The following TRPM3 variants were observed in gnomAD, a reference collection of about 807,000 sequenced individuals.
TRPM3 encodes the protein long transient receptor potential channel 3.
Under a neutral mutation model 181.2 loss-of-function variants are expected in TRPM3, and 77 were observed. The ratio of observed to expected loss-of-function variants is 0.42; its 90% CI spans 0.35 to 0.51. The LOEUF is 0.51. Ranked by LOEUF, TRPM3 falls within the 20% of genes least tolerant of loss-of-function variation. The probability of loss-of-function intolerance (pLI) is 0.01; values close to 1 mark genes in which losing one functional copy is unlikely to be tolerated. For synonymous variants in TRPM3, 745 were observed against 796.4 expected (o/e 0.94, Z 1.09); for missense variants, 1,759 against 2,196.7 (o/e 0.80, Z 3.98).
intron 1 of TRPM3, among the ~76,000 whole-genome samples, chr9:71,227,421 T>C (rs1021445141): frequency 2.0e-5 from 3 of 151,928 alleles, no homozygotes; most frequent in African/African-American, 4.8e-5. Context: ...ACAAACAACC[T>C]AATGTTGCAT....
Position 70,549,952 on chromosome 9 carries a change from A to T in TRPM3, c.3575-278T>A, listed in dbSNP as rs2046064585. ...TAGGCAAGTTGTGAGGCCAGGGAAA[A>T]AGCTAAATCAAGGAAAGGGAAGCTA... On this transcript the variant is annotated intron_variant, in intron 24 of 25. Coordinates refer to ENST00000677713, the MANE Select transcript of TRPM3 (RefSeq NM_001366145.2). Among the ~76,000 whole-genome samples, 8 of 152,306 alleles carry T rather than the reference A, an allele frequency of 5.3e-5. No homozygotes were observed. In the South Asian group the frequency reaches 1.7e-3, roughly 32 times the overall value.
At chr9:71,035,869 A>T (rs1039744225) in intron 1 of TRPM3, among the ~76,000 whole-genome samples, 3 of 152,058 alleles carry the variant, frequency 2.0e-5, no homozygotes, top group African/African-American at 7.2e-5. Context: ...GCCATAAAAT[A>T]TATGGTACAA....
intron 1 of TRPM3, among the ~76,000 whole-genome samples, chr9:70,918,838 A>T (rs1453168667): frequency 6.6e-6 from 1 of 152,102 alleles, no homozygotes; most frequent in Non-Finnish European, 1.5e-5. Flanking sequence ...ATTTTTTTTA[A>T]AAAAATAAAC....
At chr9:71,096,588 A>ACTCTCTCTCTCTCTCTCTCTCTCTCTCT (rs1256142555) in intron 1 of TRPM3, among the ~76,000 whole-genome samples, 4 of 96,874 alleles carry the variant, frequency 4.1e-5, no homozygotes, top group African/African-American at 1.4e-4. Context: ...ACACACACAC[A>ACTCTCTCTCTCTCTCTCTCTCTCTCTCT]CACTCTCTCT....
intron 1 of TRPM3, among the ~76,000 whole-genome samples, chr9:71,289,072 TG>T (rs1468589180): frequency 2.0e-5 from 3 of 151,820 alleles, no homozygotes; most frequent in African/African-American, 7.3e-5. Flanking sequence ...GCACCTCTAA[TG>T]CCACACACAA....
intron 18 of TRPM3, among the ~76,000 whole-genome samples, chr9:70,614,369 C>T (rs2062453410): frequency 6.6e-6 from 1 of 150,602 alleles, no homozygotes; most frequent in African/African-American, 2.4e-5. Flanking sequence ...GCATTCCCAG[C>T]TACTTGGGAG....
chr9:71,017,291 T>C (rs758907452), intron 1 of TRPM3, among the ~76,000 whole-genome samples: 3 of 151,908 alleles, frequency 2.0e-5, no homozygotes, highest in Non-Finnish European at 4.4e-5. Context: ...TTAAAAGATA[T>C]AGAATGAACA....
intron 1 of TRPM3, among the ~76,000 whole-genome samples, chr9:70,982,603 C>A (rs976637776): frequency 6.6e-6 from 1 of 152,186 alleles, no homozygotes; most frequent in Admixed American, 6.5e-5. Context: ...CCTTAGTCAC[C>A]TTTAAGTATG....
chr9:70,550,660 C>A (rs1384406889), intron 24 of TRPM3, among the ~76,000 whole-genome samples: 1 of 152,172 alleles, frequency 6.6e-6, no homozygotes, highest in Non-Finnish European at 1.5e-5. Flanking sequence ...TTCTTCTAAT[C>A]CCATGCCCTC....
At chr9:70,978,104 T>TA (rs1277553654) in intron 1 of TRPM3, among the ~76,000 whole-genome samples, 1 of 152,172 alleles carries the variant, frequency 6.6e-6, no homozygotes, top group African/African-American at 2.4e-5. Context: ...AGGGGCCCTC[T>TA]AACAGTGGCC....
intron 1 of TRPM3, among the ~76,000 whole-genome samples, chr9:71,295,838 CAAAAAAA>C (rs11383819): frequency 2.5e-3 from 217 of 86,648 alleles, no homozygotes; most frequent in Non-Finnish European, 4.0e-3. Flanking sequence ...GATCCCGTCT[CAAAAAAA>C]AAAAAAAAAA....
At chr9:70,541,548 G>C (rs1377033531) in intron 25 of TRPM3, among the ~76,000 whole-genome samples, 1 of 135,482 alleles carries the variant, frequency 7.4e-6, no homozygotes, top group African/African-American at 2.8e-5. Context: ...TTTCACTCTT[G>C]TTGCCCAGGC....
chr9:70,875,175 C>G (rs1368525901), intron 1 of TRPM3, among the ~76,000 whole-genome samples: 1 of 151,816 alleles, frequency 6.6e-6, no homozygotes, highest in African/African-American at 2.4e-5. Context: ...TGCATCCTAG[C>G]CGTGATTTGC....
intron 1 of TRPM3, among the ~76,000 whole-genome samples, chr9:71,155,223 C>T (rs1449570667): frequency 6.6e-6 from 1 of 152,132 alleles, no homozygotes. Context: ...TGAACTTAAA[C>T]AAATAAACTG....
chr9:70,859,662 G>A (rs888971872), intron 3 of TRPM3, among the ~76,000 whole-genome samples: 1 of 152,100 alleles, frequency 6.6e-6, no homozygotes, highest in Admixed American at 6.5e-5. Context: ...TAATAAAATC[G>A]TTTGGAGTCT....
At chr9:70,571,260 G>T (rs1314607512) in intron 22 of TRPM3, among the ~76,000 whole-genome samples, 1 of 152,164 alleles carries the variant, frequency 6.6e-6, no homozygotes, top group East Asian at 1.9e-4. Context: ...CCTTTGGCAG[G>T]TCACACAAGC....
chr9:71,291,112 G>GA (rs747329104), intron 1 of TRPM3, among the ~76,000 whole-genome samples: 1 of 152,068 alleles, frequency 6.6e-6, no homozygotes, highest in Non-Finnish European at 1.5e-5. Flanking sequence ...CCATTATTTG[G>GA]AATTGAGCTC....
At chr9:70,804,458 A>C (rs577599061) in intron 6 of TRPM3, among the ~76,000 whole-genome samples, 16 of 152,288 alleles carry the variant, frequency 1.1e-4, no homozygotes, top group African/African-American at 3.8e-4. Context: ...TGTGTTAATA[A>C]AGTTGTTTGT....
intron 1 of TRPM3, among the ~76,000 whole-genome samples, chr9:71,189,715 C>A (rs1413640515): frequency 1.3e-5 from 2 of 151,870 alleles, no homozygotes; most frequent in Non-Finnish European, 2.9e-5. Flanking sequence ...TGAAACATCT[C>A]TTCTACCCCT....
Sources: gnomAD v4.1 joint callset for allele counts (sites outside exome capture counted in the v4.1 genomes callset) on GRCh38, gnomAD v4.1.1 for gene constraint, MANE v1.5 for transcripts, NCBI Gene and HGNC (gene_info 2026-07-23, HGNC 2026-07-21) for gene names.